The following STK4 variants were observed in gnomAD, a reference collection of about 807,000 sequenced individuals.
The protein encoded by STK4 is serine/threonine-protein kinase 4.
In STK4, 30 loss-of-function variants were observed where a neutral mutation model predicts 64.9. The ratio of observed to expected loss-of-function variants is 0.46; its 90% confidence interval spans 0.35 to 0.63. The LOEUF (loss-of-function observed/expected upper bound fraction) is 0.63, where lower values mean the gene tolerates loss of function less well. STK4 is among the 20% of genes least tolerant of loss of function. STK4 has a pLI of 0.01. For missense variants in STK4, 466 were observed against 598.5 expected, an observed-to-expected ratio of 0.78 and a Z score of 2.31; for synonymous variants, 177 against 199.0, an observed-to-expected ratio of 0.89 and a Z score of 0.93.
At chr20:45,018,558 A>C (rs1260648564) in intron 9 of STK4, among the ~76,000 whole-genome samples, 1 of 152,168 alleles carries the variant, frequency 6.6e-6, no homozygotes, top group Non-Finnish European at 1.5e-5. Flanking sequence ...AGTTAAGGAA[A>C]GGTGTCTTGC....
chr20:44,986,926 A>T (rs2067539709), intron 4 of STK4, among the ~76,000 whole-genome samples: 3 of 152,134 alleles, frequency 2.0e-5, no homozygotes, highest in Non-Finnish European at 4.4e-5. Context: ...CTAGTTGGAG[A>T]TACATAAATC....
At chr20:45,016,750 T>C (rs1159015926) in intron 9 of STK4, among the ~76,000 whole-genome samples, 1 of 152,180 alleles carries the variant, frequency 6.6e-6, no homozygotes. Flanking sequence ...TATAGTTATA[T>C]TGGTAAAAGG....
At chr20:44,981,402 G>A (rs1214079169) in intron 3 of STK4, among the ~76,000 whole-genome samples, 1 of 151,880 alleles carries the variant, frequency 6.6e-6, no homozygotes, top group Non-Finnish European at 1.5e-5. Flanking sequence ...CAATCCGCCC[G>A]CATCGGCCTC....
At chr20:45,044,664 A>G (rs1218054793) in intron 10 of STK4, among the ~76,000 whole-genome samples, 4 of 152,160 alleles carry the variant, frequency 2.6e-5, no homozygotes, top group African/African-American at 9.7e-5. Context: ...CAAAAAAAAG[A>G]AAAAAGTTAC....
Position 45,046,824 on chromosome 20 carries a change from G to A in STK4, c.1305+21694G>A, listed in dbSNP as rs559950210. ...AGCCTCCTGAGTAGCTGGGATTACA[G>A]GCACCTGCCACCACATCTGGCTAAT... On this transcript the variant is annotated intron_variant, in intron 10 of 10. Transcript: ENST00000372806. 2.0e-5 allele frequency among the ~76,000 whole-genome samples: 3 copies of A among 152,134 alleles called. No homozygotes were observed. The South Asian group carries it at 6.2e-4, about 32-fold the overall frequency.
chr20:45,011,812 A>T (rs1238100849), intron 9 of STK4, among the ~76,000 whole-genome samples: 11 of 147,980 alleles, frequency 7.4e-5, no homozygotes, highest in African/African-American at 2.7e-4. Context: ...AAATATATAT[A>T]TTCCTGATAT....
intron 9 of STK4, among the ~76,000 whole-genome samples, chr20:45,012,184 C>T (rs1300712317): frequency 6.6e-6 from 1 of 151,898 alleles, no homozygotes; most frequent in Admixed American, 6.6e-5. Context: ...TACAGGCACG[C>T]ACCACCACAC....
At chr20:45,000,333 C>T in intron 7 of STK4, 59 bp from the exon 8 acceptor site, 2 of 1,563,880 alleles carry the variant, frequency 1.3e-6, no homozygotes. Flanking sequence ...GTTCCAGGTA[C>T]TGTTTTGGCA....
At chr20:45,064,532 A>T (rs927576208) in intron 10 of STK4, among the ~76,000 whole-genome samples, 1 of 152,196 alleles carries the variant, frequency 6.6e-6, no homozygotes, top group African/African-American at 2.4e-5. Flanking sequence ...CAGTATAGCC[A>T]TGTTAACAAT....
At chr20:45,002,675 C>G (rs1364372641) in intron 9 of STK4, among the ~76,000 whole-genome samples, 1 of 152,108 alleles carries the variant, frequency 6.6e-6, no homozygotes. Flanking sequence ...ATAATGACCC[C>G]TATAGACCTA....
At chr20:45,059,733 G>C (rs1253534843) in intron 10 of STK4, among the ~76,000 whole-genome samples, 1 of 152,158 alleles carries the variant, frequency 6.6e-6, no homozygotes. Flanking sequence ...TCTTAAAATA[G>C]AATTTTTCTT....
intron 9 of STK4, among the ~76,000 whole-genome samples, chr20:45,016,205 G>A (rs2068139880): frequency 6.6e-6 from 1 of 152,168 alleles, no homozygotes; most frequent in Non-Finnish European, 1.5e-5. Context: ...CATGTTTTGA[G>A]AATCTATTAA....
chr20:44,988,739 C>CCAGAACATTTT (rs2067582177), intron 5 of STK4, among the ~76,000 whole-genome samples: 1 of 151,550 alleles, frequency 6.6e-6, no homozygotes, highest in African/African-American at 2.4e-5. Flanking sequence ...ATGTCTAATT[C>CCAGAACATTTT]CAGAACATTT....
Position 45,001,318 on chromosome 20 carries a change from A to G in STK4, c.1112A>G (p.Asn371Ser), listed in dbSNP as rs1442472112. The G allele has an allele frequency of 1.9e-6, 3 of 1,613,670 alleles. No individual in the cohort carries two copies. Among genetic ancestry groups the G allele is most frequent in the South Asian group, 2.2e-5 (2 of 91,062 alleles). The change falls in exon 9 of 11, where the codon AAT becomes AGT. Residue 371 changes from asparagine (N) to serine (S), a missense_variant. Asn to Ser is a conservative substitution (Grantham distance 46). This residue lies in a region of STK4 where 276 missense variants were observed against 308.9 expected (regional missense o/e 0.89). Transcript: ENST00000372806. ...TCACAACTGGGCACCATGGTGATCA[A>G]TGCAGAGGATGAGGAAGAGGAAGGA... Reference protein sequence around the residue: ...LPSQLGTMVINAEDEEEEGTM... With the variant: ...LPSQLGTMVISAEDEEEEGTM...
chr20:44,971,578 A>G (rs1214458605), intron 1 of STK4, among the ~76,000 whole-genome samples: 3 of 152,010 alleles, frequency 2.0e-5, no homozygotes, highest in African/African-American at 7.3e-5. Flanking sequence ...AGATAATTAC[A>G]TCATTTTAAT....
At chr20:44,976,503 G>T (rs538098981) in intron 2 of STK4, among the ~76,000 whole-genome samples, 2 of 152,236 alleles carry the variant, frequency 1.3e-5, no homozygotes, top group African/African-American at 4.8e-5. Flanking sequence ...AAAACTATGG[G>T]GAGATTACCC....
chr20:45,074,643 G>A (rs1041451713), intron 10 of STK4, among the ~76,000 whole-genome samples: 9 of 152,122 alleles, frequency 5.9e-5, no homozygotes, highest in Admixed American at 3.9e-4. Context: ...GAACAAGAAC[G>A]GGGAGGCAAC....
At chr20:45,046,049 C>G (rs371172675) in intron 10 of STK4, among the ~76,000 whole-genome samples, 1 of 152,034 alleles carries the variant, frequency 6.6e-6, no homozygotes, top group Non-Finnish European at 1.5e-5. Context: ...TCAGGTGATC[C>G]GCCTGCCTCC....
At chr20:45,017,145 T>C (rs2068156834) in intron 9 of STK4, among the ~76,000 whole-genome samples, 2 of 152,200 alleles carry the variant, frequency 1.3e-5, no homozygotes, top group Non-Finnish European at 2.9e-5. Context: ...GTCATTAACA[T>C]GTAGAGTATG....
Sources: gnomAD v4.1 joint callset for allele counts (sites outside exome capture counted in the v4.1 genomes callset) on GRCh38, gnomAD v4.1.1 for gene constraint, gnomAD v4.1.1 regional missense constraint, MANE v1.5 for transcripts, NCBI Gene and HGNC (gene_info 2026-07-23, HGNC 2026-07-21) for gene names.